Variants in DCDC1 observed in about 807,000 individuals in gnomAD.
DCDC1 encodes doublecortin domain containing 1.
A neutral mutation model predicts 178.3 loss-of-function variants in DCDC1; 200 were observed. That is an observed-to-expected ratio of 1.12 (90% CI 1.00 to 1.26). The LOEUF is 1.26. Ranked by LOEUF, DCDC1 falls within the 50% of genes most tolerant of loss-of-function variation. DCDC1 has a pLI of 0.00. For missense variants in DCDC1, 1,983 were observed against 1,749.2 expected, an observed-to-expected ratio of 1.13 and a Z score of -2.38; for synonymous variants, 690 against 604.8, an observed-to-expected ratio of 1.14 and a Z score of -2.07.
intron 1 of DCDC1, among the ~76,000 whole-genome samples, chr11:31,335,991 G>A (rs777695312): frequency 3.5e-4 from 54 of 152,178 alleles, no homozygotes; most frequent in Middle Eastern, 3.4e-3. Context: ...CGCATTATTC[G>A]TTGACATTGT....
At chr11:31,255,161 A>G (rs1944327768) in intron 8 of DCDC1, among the ~76,000 whole-genome samples, 1 of 152,240 alleles carries the variant, frequency 6.6e-6, no homozygotes, top group Non-Finnish European at 1.5e-5. Flanking sequence ...TTGTATGTAT[A>G]TACTACCATT....
intron 9 of DCDC1, among the ~76,000 whole-genome samples, chr11:31,187,055 GAT>G (rs1969588581): frequency 6.6e-6 from 1 of 152,164 alleles, no homozygotes; most frequent in South Asian, 2.1e-4. Flanking sequence ...TTCACTTCCT[GAT>G]ATTTTCTTTA....
chr11:30,888,685 C>A (rs1165847351), intron 36 of DCDC1, among the ~76,000 whole-genome samples: 4 of 152,260 alleles, frequency 2.6e-5, no homozygotes, highest in Non-Finnish European at 5.9e-5. Context: ...CCATTGCACT[C>A]CAGCCTGGGC....
intron 28 of DCDC1, among the ~76,000 whole-genome samples, chr11:30,909,383 T>C (rs554334550): frequency 2.0e-5 from 3 of 152,270 alleles, no homozygotes; most frequent in East Asian, 3.9e-4. Flanking sequence ...TCCCTGAACC[T>C]TTTTCTAACA....
At chr11:30,867,133 C>T (rs1321049074) in intron 38 of DCDC1, among the ~76,000 whole-genome samples, 1 of 152,208 alleles carries the variant, frequency 6.6e-6, no homozygotes, top group East Asian at 1.9e-4. Flanking sequence ...AAATAAGCGG[C>T]AACTAAACCA....
chr11:31,096,073 G>A (rs965546468), intron 15 of DCDC1, among the ~76,000 whole-genome samples: 1 of 152,128 alleles, frequency 6.6e-6, no homozygotes, highest in Non-Finnish European at 1.5e-5. Context: ...AATTTTACAA[G>A]TGTGATCAGG....
intron 20 of DCDC1, among the ~76,000 whole-genome samples, chr11:31,016,321 A>G (rs1332140118): frequency 1.3e-5 from 2 of 152,292 alleles, no homozygotes; most frequent in African/African-American, 4.8e-5. Flanking sequence ...AGATAACATG[A>G]TTCCATTAAT....
intron 20 of DCDC1, among the ~76,000 whole-genome samples, chr11:31,034,265 A>G (rs988716701): frequency 6.7e-6 from 1 of 150,348 alleles, no homozygotes; most frequent in Non-Finnish European, 1.5e-5. Context: ...ATTATAAAAG[A>G]GTCAAAGTTA....
intron 35 of DCDC1, 59 bp downstream of exon 35, chr11:30,894,189 C>G (rs1252062946): frequency 1.3e-6 from 2 of 1,564,948 alleles, no homozygotes; most frequent in African/African-American, 2.7e-5. Context: ...CAATATTGTA[C>G]TTTTAAATAC....
At chr11:31,171,810 GT>G (rs1440509935) in intron 9 of DCDC1, among the ~76,000 whole-genome samples, 4 of 152,158 alleles carry the variant, frequency 2.6e-5, no homozygotes, top group African/African-American at 9.7e-5. Context: ...ATTAAAGGTT[GT>G]TTTAGGAAAA....
At chr11:31,073,781 A>T (rs1281715305) in intron 18 of DCDC1, among the ~76,000 whole-genome samples, 1 of 152,204 alleles carries the variant, frequency 6.6e-6, no homozygotes, top group Non-Finnish European at 1.5e-5. Flanking sequence ...CCCTTCTATG[A>T]ACAGAACTAA....
Position 31,091,382 on chromosome 11 carries a change from A to T in DCDC1, c.2237+11T>A. On this transcript the variant is annotated intron_variant, in intron 17 of 38. Coordinates refer to ENST00000684477, the MANE Select transcript of DCDC1 (RefSeq NM_001387274.1). ...TTTATTATCTTGAGCTAAATAATTT[A>T]TAAGCATTACCTTTTCTGTAAGATT... 1 of 719,486 alleles carries T rather than the reference A, an allele frequency of 1.4e-6. No homozygotes were observed. The highest frequency in any genetic ancestry group is 2.5e-6 in the Non-Finnish European group (1 of 392,680). 44.6% of individuals were successfully genotyped at this position (719,486 alleles called of 1,614,324 possible). A position where few individuals can be genotyped will look rare whatever the true frequency, so the allele number is the denominator to read the frequency against.
At chr11:30,868,093 T>C (rs1456317769) in intron 38 of DCDC1, among the ~76,000 whole-genome samples, 1 of 152,118 alleles carries the variant, frequency 6.6e-6, no homozygotes, top group Non-Finnish European at 1.5e-5. Context: ...TAAGCCTTTG[T>C]CATTGAAGAG....
chr11:31,355,276 T>A (rs996942783), intron 1 of DCDC1, among the ~76,000 whole-genome samples: 1 of 152,164 alleles, frequency 6.6e-6, no homozygotes, highest in Non-Finnish European at 1.5e-5. Context: ...ATCTCTGTCA[T>A]GAGACCAGCT....
intron 9 of DCDC1, among the ~76,000 whole-genome samples, chr11:31,157,228 A>G (rs1458130112): frequency 1.3e-5 from 2 of 151,334 alleles, no homozygotes; most frequent in Admixed American, 6.6e-5. Flanking sequence ...AACATAAAAA[A>G]AAAAATTAAA....
intron 9 of DCDC1, among the ~76,000 whole-genome samples, chr11:31,186,721 T>C (rs1969542986): frequency 6.6e-6 from 1 of 152,326 alleles, no homozygotes; most frequent in African/African-American, 2.4e-5. Flanking sequence ...TAGAGTCCTA[T>C]GGAAGACTGG....
At chr11:30,865,753 G>T (rs1186559167) in intron 38 of DCDC1, among the ~76,000 whole-genome samples, 1 of 148,122 alleles carries the variant, frequency 6.8e-6, no homozygotes, top group Non-Finnish European at 1.5e-5. Context: ...TAGGATAATA[G>T]TTTTTTTTTT....
rs780666651 is a variant in DCDC1 at position 31,103,772 on chromosome 11, G to C, written c.1752-3C>G. 2.6e-6 allele frequency: 2 copies of C among 757,986 alleles called. No individual in the cohort carries two copies. Among genetic ancestry groups the C allele is most frequent in the Non-Finnish European group, 4.8e-6 (2 of 415,800 alleles). The allele number at this position is 757,986 out of a possible 1,614,324, so 47.0% of individuals were successfully genotyped here. ...CCAAAGCAAGATTTAGTGGAGATCTGAAAAACGGATAAAACATCAAAACTA... is the reference window on the plus strand; with the variant it reads ...CCAAAGCAAGATTTAGTGGAGATCTCAAAAACGGATAAAACATCAAAACTA... On this transcript the variant is annotated splice_region_variant and splice_polypyrimidine_tract_variant and intron_variant, in intron 13 of 38. Coordinates refer to ENST00000684477, the MANE Select transcript of DCDC1 (RefSeq NM_001387274.1).
At chr11:31,316,357 T>A (rs538971276) in intron 3 of DCDC1, among the ~76,000 whole-genome samples, 2,086 of 128,310 alleles carry the variant, frequency 0.016, 57 homozygotes, top group African/African-American at 0.064. Context: ...CTAACTGGTG[T>A]GAAATGATAT....
Sources: gnomAD v4.1 joint callset for allele counts (sites outside exome capture counted in the v4.1 genomes callset) on GRCh38, gnomAD v4.1.1 for gene constraint, MANE v1.5 for transcripts, NCBI Gene and HGNC (gene_info 2026-07-23, HGNC 2026-07-21) for gene names.